Variants in AP3B2 observed in about 807,000 individuals in gnomAD.
AP3B2 encodes the protein adaptor related protein complex 3 subunit beta 2.
In AP3B2, 50 loss-of-function variants were observed where a neutral mutation model predicts 126.9. The ratio of observed to expected loss-of-function variants is 0.39; its 90% CI spans 0.31 to 0.50. The LOEUF (loss-of-function observed/expected upper bound fraction) is 0.50. AP3B2 is among the 20% of genes least tolerant of loss of function. The probability of loss-of-function intolerance (pLI) is 0.79; values close to 1 mark genes in which losing one functional copy is unlikely to be tolerated. For missense variants in AP3B2, 1,177 were observed against 1,426.4 expected (o/e 0.83, Z 2.82); for synonymous variants, 541 against 565.0 (o/e 0.96, Z 0.60).
intron 4 of AP3B2, chr15:82,685,631 G>A (rs2048413387): frequency 6.6e-6 from 1 of 152,176 alleles, no homozygotes; most frequent in Non-Finnish European, 1.5e-5. Flanking sequence ...TTTTTTGTGT[G>A]TGAGCATTTT....
intron 20 of AP3B2, 57 bp from the exon 21 acceptor site, chr15:82,663,677 G>T (rs2047997607): frequency 6.2e-7 from 1 of 1,612,104 alleles, no homozygotes; most frequent in East Asian, 2.2e-5. Context: ...GGCATGTTCT[G>T]GGTTGGGTAG....
intron 1 of AP3B2, among the ~76,000 whole-genome samples, chr15:82,698,381 T>G (rs1342472770): frequency 6.6e-6 from 1 of 150,968 alleles, no homozygotes; most frequent in Admixed American, 6.6e-5. Context: ...CCACACCCTC[T>G]TATAGACACA....
intron 14 of AP3B2, 76 bp downstream of exon 14, chr15:82,676,385 A>G: frequency 1.3e-6 from 2 of 1,485,286 alleles, no homozygotes; most frequent in Non-Finnish European, 1.8e-6. Flanking sequence ...AGCCCTGCCT[A>G]GGGAGGGCCA....
intron 1 of AP3B2, among the ~76,000 whole-genome samples, chr15:82,704,159 C>G (rs1376718722): frequency 6.6e-6 from 1 of 152,168 alleles, no homozygotes; most frequent in African/African-American, 2.4e-5. Flanking sequence ...ATATAAAAAC[C>G]CAGCCCAGTT....
rs1255440688 is a variant in AP3B2 at position 82,665,241 on chromosome 15, T to G, written c.2028+6A>C. The G allele has an allele frequency of 2.7e-5, 41 of 1,537,934 alleles. No individual in the cohort carries two copies. Among genetic ancestry groups the G allele is most frequent in the Non-Finnish European group, 3.5e-5 (40 of 1,147,854 alleles). ...GGAGAGAGCACACGTCACACGAAGG[T>G]GGGACCTCAGTGTATTCGCCCAACA... On this transcript the variant is annotated splice_donor_region_variant and intron_variant, in intron 17 of 26. Transcript: ENST00000535359. This position sits in a 1 kb window ranked among gnomAD's most constrained non-coding sequence, Gnocchi z 4.4.
intron 1 of AP3B2, among the ~76,000 whole-genome samples, chr15:82,707,420 C>G (rs1487103460): frequency 6.6e-6 from 1 of 152,196 alleles, no homozygotes; most frequent in Non-Finnish European, 1.5e-5. Flanking sequence ...AGACACCAGA[C>G]CAACTTGGAC....
Position 82,663,217 on chromosome 15 carries a change from G to C in AP3B2, c.2514C>G (p.Val838=), listed in dbSNP as rs1449675473. ...LDLEDFTPPS[V]QPVSPPAIVS... Reference sequence around the variant, plus strand: ...CAATTGCTGGGGGAGACACAGGCTGGACACTGGGAGGGGTGACTGTGGGAG... The same window carrying C: ...CAATTGCTGGGGGAGACACAGGCTGCACACTGGGAGGGGTGACTGTGGGAG... Residue 838 remains valine, a synonymous_variant, in exon 22 of 27, where the codon GTC becomes GTG. Coordinates refer to ENST00000535359, the MANE Select transcript of AP3B2 (RefSeq NM_001278512.2). 6.2e-7 allele frequency: 1 copy of C among 1,612,840 alleles called. No individual in the cohort carries two copies. Among genetic ancestry groups the C allele is most frequent in the Non-Finnish European group, 8.5e-7 (1 of 1,179,670 alleles).
Position 82,661,828 on chromosome 15 carries a change from G to C in AP3B2, c.3013C>G (p.Gln1005Glu), listed in dbSNP as rs2047955491. 1 of 1,612,036 alleles carries C rather than the reference G, an allele frequency of 6.2e-7. No homozygotes were observed. Among genetic ancestry groups the C allele is most frequent in the Non-Finnish European group, 8.5e-7 (1 of 1,179,046 alleles). Residue 1005 changes from glutamine to glutamate, a missense_variant, in exon 25 of 27, where the codon CAG becomes GAG. Physicochemically the swap from Gln to Glu is conservative, Grantham distance 29. Transcript: ENST00000535359. ...FMSENEFKKEQGKLMGMNEIT... is the reference protein window; with the variant it reads ...FMSENEFKKEEGKLMGMNEIT... ...CCCACTCCCAGGGAGCACTCACCCTGTTCCTTCTTAAACTCATTTTCACTC... is the reference window on the plus strand; with the variant it reads ...CCCACTCCCAGGGAGCACTCACCCTCTTCCTTCTTAAACTCATTTTCACTC...
Position 82,659,870 on chromosome 15 carries a change from G to T in AP3B2, c.3130C>A (p.Pro1044Thr). Reference sequence around the variant, plus strand: ...CTGTACTCATCAGATGTCCCACAAGGAACACGACCCAGGTTGGCAGTGGCA... The same window carrying T: ...CTGTACTCATCAGATGTCCCACAAGTAACACGACCCAGGTTGGCAGTGGCA... ...VTATANLGRV[P>T]CGTSDEYRFA... The change falls in exon 26 of 27, where the codon CCT becomes ACT. Residue 1044 changes from proline to threonine, a missense_variant. Pro to Thr is a conservative substitution (Grantham distance 38, BLOSUM62 -1). This residue lies in a region of AP3B2 where 587 missense variants were observed against 571.3 expected (regional missense o/e 1.03). Coordinates refer to ENST00000535359, the MANE Select transcript of AP3B2 (RefSeq NM_001278512.2). 6.2e-7 allele frequency: 1 copy of T among 1,613,932 alleles called. No homozygotes were observed. Among genetic ancestry groups the T allele is most frequent in the East Asian group, 2.2e-5 (1 of 44,880 alleles).
rs564534246 is a variant in AP3B2, at chr15:82,681,896, G to T, written c.361-316C>A. Among the ~76,000 whole-genome samples the T allele has an allele frequency of 6.6e-6, 1 of 152,150 alleles. No homozygotes were observed. Among genetic ancestry groups the T allele is most frequent in the South Asian group, 2.1e-4 (1 of 4,826 alleles). ...GTTCCTTGTAAGGGTTTTTTTGGAG[G>T]TGCCTGTTTTAATGCCTGAGGTGAC... On this transcript the variant is annotated intron_variant, in intron 4 of 26. Transcript: ENST00000535359. This position sits in a 1 kb window ranked among gnomAD's most constrained non-coding sequence, Gnocchi z 4.0.
At chr15:82,693,188 GC>G (rs2048571954) in intron 1 of AP3B2, among the ~76,000 whole-genome samples, 1 of 76,424 alleles carries the variant, frequency 1.3e-5, no homozygotes, top group East Asian at 5.6e-4. Context: ...ATCTCCCCCC[GC>G]CCCCACCCCC....
intron 1 of AP3B2, among the ~76,000 whole-genome samples, chr15:82,705,179 A>G (rs148639718): frequency 1.3e-5 from 2 of 152,092 alleles, no homozygotes; most frequent in African/African-American, 2.4e-5. Flanking sequence ...GCGACTGATC[A>G]TGCACCCCTT....
chr15:82,709,436 G>C (rs2048845788), intron 1 of AP3B2, among the ~76,000 whole-genome samples, 158 bp downstream of exon 1: 1 of 150,588 alleles, frequency 6.6e-6, no homozygotes, highest in Admixed American at 6.6e-5. Flanking sequence ...CCCGCGCTGG[G>C]CCGGGGCTCC....
rs74771555 is a variant in AP3B2, at chr15:82,664,292, T to C, written c.2261+75A>G. The C allele has an allele frequency of 6.2e-7, 1 of 1,606,654 alleles. No homozygotes were observed. Among genetic ancestry groups the C allele is most frequent in the Non-Finnish European group, 8.5e-7 (1 of 1,178,510 alleles). ...GCTCAGGGGCTCTTAGGAGACTGGC[T>C]AAAGCTCAATGCTAGCCCTCTTTCC... On this transcript the variant is annotated intron_variant, in intron 19 of 26. Transcript: ENST00000535359. This position sits in a 1 kb window ranked among gnomAD's most constrained non-coding sequence, Gnocchi z 4.5.
chr15:82,688,124 A>T, intron 4 of AP3B2: 1 of 293,330 alleles, frequency 3.4e-6, no homozygotes, highest in Non-Finnish European at 6.4e-6. Context: ...AAATAAATAA[A>T]GGTATGCAAA....
chr15:82,688,477 A>T lies in AP3B2; in HGVS notation c.360+259T>A, dbSNP rs1448066821. On this transcript the variant is annotated intron_variant, in intron 4 of 26. Transcript: ENST00000535359. ...CGGGGGCTCAAGTGGTTCATACTAG[A>T]AGCAGCCATTACCACAGGCTCCTGG... is the stretch of plus-strand genomic sequence containing the variant. 6 of 702,232 alleles carry T rather than the reference A, an allele frequency of 8.5e-6. No homozygotes were observed. The African/African-American group carries it at 1.0e-4, about 12-fold the overall frequency. 43.5% of individuals were successfully genotyped at this position (702,232 alleles called of 1,614,324 possible). A position where few individuals can be genotyped will look rare whatever the true frequency, so the allele number is the denominator to read the frequency against.
In AP3B2 at chr15:82,681,330, A is replaced by G; in HGVS notation, c.521+90T>C. 6.4e-7 allele frequency: 1 copy of G among 1,565,448 alleles called. No individual in the cohort carries two copies. Among genetic ancestry groups the G allele is most frequent in the Non-Finnish European group, 8.7e-7 (1 of 1,150,094 alleles). Reference sequence around the variant, plus strand: ...ACTACCCTCCTCAAACCCTCTGAGAAGCAGCAGGCAAGACTTAGGAAAGGC... The same window carrying G: ...ACTACCCTCCTCAAACCCTCTGAGAGGCAGCAGGCAAGACTTAGGAAAGGC... On this transcript the variant is annotated intron_variant, in intron 5 of 26. Transcript: ENST00000535359. This position sits in a 1 kb window ranked among gnomAD's most constrained non-coding sequence, Gnocchi z 4.0.
chr15:82,677,572 T>C, intron 12 of AP3B2, 99 bp downstream of exon 12: 1 of 1,438,726 alleles, frequency 7.0e-7, no homozygotes. Flanking sequence ...ATACACATTG[T>C]GTCTAGGCAG....
chr15:82,680,652 G>C lies in AP3B2; in HGVS notation c.875C>G (p.Ser292Cys). ...SEETAAAAAP[S>C]RKPYVMDPDH... ...GGGGTCCATGACATAGGGCTTTCGG[G>C]AGGGGGCGGCCGCGGCGGCCGTCTC... Residue 292 changes from serine (S) to cysteine (C), a missense_variant, in exon 8 of 27, where the codon TCC becomes TGC. Coordinates refer to ENST00000535359, the MANE Select transcript of AP3B2 (RefSeq NM_001278512.2). The surrounding 1 kb of genome is among the most constrained non-coding windows in gnomAD (Gnocchi z 6.1). 1 of 1,585,974 alleles carries C rather than the reference G, an allele frequency of 6.3e-7. No individual in the cohort carries two copies. Among genetic ancestry groups the C allele is most frequent in the South Asian group, 1.1e-5 (1 of 89,938 alleles).
Sources: gnomAD v4.1 joint callset for allele counts (sites outside exome capture counted in the v4.1 genomes callset) on GRCh38, gnomAD v4.1.1 for gene constraint, gnomAD v4.1.1 regional missense constraint, Gnocchi (gnomAD v3.1) non-coding constraint, MANE v1.5 for transcripts, NCBI Gene and HGNC (gene_info 2026-07-23, HGNC 2026-07-21) for gene names.